Variants in GRIN1 observed in about 807,000 individuals in gnomAD.
The protein encoded by GRIN1 is glutamate receptor ionotropic, NMDA 1.
Under a neutral mutation model 103.0 loss-of-function variants are expected in GRIN1, and 38 were observed. That is an observed-to-expected ratio of 0.37 (90% CI 0.28 to 0.48). The LOEUF is 0.48. GRIN1 is among the 20% of genes least tolerant of loss of function. The probability of loss-of-function intolerance (pLI) is 0.98; values close to 1 mark genes in which losing one functional copy is unlikely to be tolerated. For missense variants in GRIN1, 577 were observed against 1,288.9 expected (o/e 0.45, Z 8.46); for synonymous variants, 544 against 532.7 (o/e 1.02, Z -0.29).
intron 1 of GRIN1, among the ~76,000 whole-genome samples, chr9:137,141,173 G>T (rs1218730362): frequency 6.6e-6 from 1 of 152,226 alleles, no homozygotes; most frequent in Admixed American, 6.5e-5. Context: ...GTACTGTCCT[G>T]CCACGTGGGG....
At chr9:137,165,591 T>A (rs1833829451) in intron 19 of GRIN1, among the ~76,000 whole-genome samples, 2 of 152,168 alleles carry the variant, frequency 1.3e-5, no homozygotes, top group Admixed American at 1.3e-4. Context: ...CGTTGGTCAG[T>A]CAGTCAGCCA....
chr9:137,161,644 G>A (rs866194091), intron 10 of GRIN1, among the ~76,000 whole-genome samples: 1 of 100,748 alleles, frequency 9.9e-6, no homozygotes, highest in Non-Finnish European at 2.7e-5. Flanking sequence ...TGACGTGGGG[G>A]TCGGAGTGGG....
chr9:137,149,215 C>G, intron 4 of GRIN1, 106 bp downstream of exon 4: 1 of 814,068 alleles, frequency 1.2e-6, no homozygotes, highest in Non-Finnish European at 2.1e-6. Flanking sequence ...TGACCTTCAG[C>G]TTCCAAAGCA....
At chr9:137,164,336 C>T (rs1588737369) in intron 18 of GRIN1, 3 of 289,976 alleles carry the variant, frequency 1.0e-5, no homozygotes, top group African/African-American at 2.2e-5. Flanking sequence ...CCTTGTGCTC[C>T]GTGACTCTAA....
chr9:137,159,007 G>C (rs1833386742), intron 8 of GRIN1, among the ~76,000 whole-genome samples: 1 of 152,146 alleles, frequency 6.6e-6, no homozygotes. Flanking sequence ...AGAGCAGATG[G>C]GGGACAGCAG....
At position 137,146,303 on chromosome 9, in the gene GRIN1, C is replaced by T. The variant is rs1244624801; in HGVS notation, c.570+401C>T. Among the ~76,000 whole-genome samples the T allele has an allele frequency of 4.6e-5, 7 of 151,344 alleles. No homozygotes were observed. In the East Asian group the frequency reaches 1.2e-3, roughly 26 times the overall value. On this transcript the variant is annotated intron_variant, in intron 3 of 19. Transcript: ENST00000371561. The surrounding 1 kb of genome is among the most constrained non-coding windows in gnomAD (Gnocchi z 6.7). ...CTCTGGGCAAGGTCTCCCCTGTACACGACCCCCACATACCGCCCCTGCAGG... is the reference window on the plus strand; with the variant it reads ...CTCTGGGCAAGGTCTCCCCTGTACATGACCCCCACATACCGCCCCTGCAGG...
rs1274780996 is a variant in GRIN1, at chr9:137,139,710, C to G, written c.224C>G (p.Ala75Gly). The change falls in exon 1 of 20, where the codon GCT becomes GGT. Residue 75 changes from alanine (A) to glycine (G), a missense_variant. By Grantham distance (60) the Ala-to-Gly change is moderately conservative. This residue lies in a region of GRIN1 where 308 missense variants were observed against 553.6 expected (regional missense o/e 0.56). Coordinates refer to ENST00000371561, the MANE Select transcript of GRIN1 (RefSeq NM_007327.4). This position sits in a 1 kb window ranked among gnomAD's most constrained non-coding sequence, Gnocchi z 7.7. The stretch of plus-strand genomic sequence containing the variant: ...CACAAGCCCAACGCCATCCAGATGG[C>G]TCTGTCGGTGTGCGAGGACCTCATC... ...VTHKPNAIQM[A>G]LSVCEDLISS... The G allele has an allele frequency of 1.2e-6, 2 of 1,613,908 alleles. No individual in the cohort carries two copies. Among genetic ancestry groups the G allele is most frequent in the Non-Finnish European group, 1.7e-6 (2 of 1,179,956 alleles).
At chr9:137,147,432 ACACACATG>A (rs758008982) in intron 3 of GRIN1, among the ~76,000 whole-genome samples, 26 of 151,814 alleles carry the variant, frequency 1.7e-4, no homozygotes, top group Non-Finnish European at 2.2e-4. Context: ...GTGCACAGGC[ACACACATG>A]CACACATGCA....
rs543160973 is a variant in GRIN1 at position 137,154,432 on chromosome 9, C to CT, written c.672-2198dup. ...CAGCCACCACCCCCAGCTCCAACAA[C>CT]TTTTTTTTTTTTTTTTTTTTTTTTT... On this transcript the variant is annotated intron_variant, in intron 4 of 19. Transcript: ENST00000371561. 1.2e-3 allele frequency among the ~76,000 whole-genome samples: 51 copies of CT among 43,008 alleles called. 7 individuals carry two copies. The highest frequency in any genetic ancestry group is 8.1e-3 in the East Asian group (8 of 988). The allele number at this position is 43,008 out of a possible 152,430, so 28.2% of individuals were successfully genotyped here.
Position 137,162,307 on chromosome 9 carries a change from G to A in GRIN1, c.1751+17G>A, listed in dbSNP as rs776109959. Reference sequence around the variant, plus strand: ...CCGCTTCAGGTGAGCGCGACCCGGGGCTCAGACACCTCCATCTGCGGGGCG... The same window carrying A: ...CCGCTTCAGGTGAGCGCGACCCGGGACTCAGACACCTCCATCTGCGGGGCG... On this transcript the variant is annotated intron_variant, in intron 12 of 19. Coordinates refer to ENST00000371561, the MANE Select transcript of GRIN1 (RefSeq NM_007327.4). 5.8e-6 allele frequency: 9 copies of A among 1,548,568 alleles called. No homozygotes were observed. Among genetic ancestry groups the A allele is most frequent in the African/African-American group, 2.7e-5 (2 of 73,762 alleles).
At chr9:137,161,728 G>T (rs1290418226) in intron 10 of GRIN1, among the ~76,000 whole-genome samples, 196 bp from the exon 11 acceptor site, 1 of 150,484 alleles carries the variant, frequency 6.6e-6, no homozygotes, top group Non-Finnish European at 1.5e-5. Context: ...GGGGCCTGCT[G>T]GCTGTGGTGG....
chr9:137,168,192 C>G lies in GRIN1; in HGVS notation c.*665C>G. 2.5e-6 allele frequency: 1 copy of G among 394,572 alleles called. No individual in the cohort carries two copies. The highest frequency in any genetic ancestry group is 4.6e-6 in the Non-Finnish European group (1 of 215,416). The allele number at this position is 394,572 out of a possible 1,614,324, so 24.4% of individuals were successfully genotyped here. A position where few individuals can be genotyped will look rare whatever the true frequency, so the allele number is the denominator to read the frequency against. On this transcript the variant is annotated 3_prime_UTR_variant, in exon 20 of 20. Transcript: ENST00000371561. ...GCCCCATCCTTCCCGCAGCACCAGC[C>G]TGAGCCACAGTGGGGCCCATGGCCC...
intron 6 of GRIN1, among the ~76,000 whole-genome samples, chr9:137,157,843 C>T (rs1833319237): frequency 6.6e-6 from 1 of 152,226 alleles, no homozygotes; most frequent in Admixed American, 6.5e-5. Flanking sequence ...TGCACACAGA[C>T]TCAGGCACAT....
Position 137,161,409 on chromosome 9 carries a change from A to G in GRIN1, c.1460A>G (p.Gln487Arg). The G allele has an allele frequency of 6.2e-7, 1 of 1,600,442 alleles. No individual in the cohort carries two copies. The highest frequency in any genetic ancestry group is 8.5e-7 in the Non-Finnish European group (1 of 1,174,804). Reference protein sequence around the residue: ...HLVADGKFGTQERVNNSNKKE... With the variant: ...HLVADGKFGTRERVNNSNKKE... Reference sequence around the variant, plus strand: ...GTGGCAGATGGCAAGTTCGGCACACAGGAGCGGGTAGGCTGGACGGCGGGG... The same window carrying G: ...GTGGCAGATGGCAAGTTCGGCACACGGGAGCGGGTAGGCTGGACGGCGGGG... The change falls in exon 10 of 20, where the codon CAG (glutamine) becomes CGG (arginine). Residue 487 changes from glutamine (Q) to arginine (R), a missense_variant. This residue lies in a region of GRIN1 where 96 missense variants were observed against 145.0 expected (regional missense o/e 0.66). Coordinates refer to ENST00000371561, the MANE Select transcript of GRIN1 (RefSeq NM_007327.4).
intron 4 of GRIN1, among the ~76,000 whole-genome samples, chr9:137,149,752 G>A (rs1832736049): frequency 6.6e-6 from 1 of 152,192 alleles, no homozygotes; most frequent in African/African-American, 2.4e-5. Context: ...GAAGGGCAGG[G>A]TGAGGAGCCT....
chr9:137,158,468 T>C lies in GRIN1; in HGVS notation c.1058T>C (p.Ile353Thr). 1 of 1,613,344 alleles carries C rather than the reference T, an allele frequency of 6.2e-7. No homozygotes were observed. The highest frequency in any genetic ancestry group is 8.5e-7 in the Non-Finnish European group (1 of 1,179,952). Residue 353 changes from isoleucine to threonine, a missense_variant, in exon 7 of 20, where the codon ATC becomes ACC. Coordinates refer to ENST00000371561, the MANE Select transcript of GRIN1 (RefSeq NM_007327.4). ...GACCGGAAGTTCGCCAACTACAGCA[T>C]CATGAACCTGCAGAACCGCAAGCTG... ...DGDRKFANYS[I>T]MNLQNRKLVQ...
intron 4 of GRIN1, 54 bp from the exon 5 acceptor site, chr9:137,156,615 G>A (rs182763851): frequency 1.1e-5 from 18 of 1,579,390 alleles, no homozygotes; most frequent in Admixed American, 1.1e-4. Flanking sequence ...GGCCTGCGGA[G>A]CGCCGCGGTG....
At chr9:137,143,677 G>A (rs913512314) in intron 2 of GRIN1, among the ~76,000 whole-genome samples, 1 of 152,218 alleles carries the variant, frequency 6.6e-6, no homozygotes, top group Non-Finnish European at 1.5e-5. Flanking sequence ...GCTAGTCCAA[G>A]ACCTCAAGCA....
chr9:137,161,827 A>T, intron 10 of GRIN1, 97 bp from the exon 11 acceptor site: 1 of 1,253,712 alleles, frequency 8.0e-7, no homozygotes, highest in South Asian at 1.3e-5. Flanking sequence ...TGGGGAGAAG[A>T]CCCCCGGAGT....
Sources: gnomAD v4.1 joint callset for allele counts (sites outside exome capture counted in the v4.1 genomes callset) on GRCh38, gnomAD v4.1.1 for gene constraint, gnomAD v4.1.1 regional missense constraint, Gnocchi (gnomAD v3.1) non-coding constraint, MANE v1.5 for transcripts, NCBI Gene and HGNC (gene_info 2026-07-23, HGNC 2026-07-21) for gene names.